The following PPP2R2C variants were observed in gnomAD, a reference collection of about 807,000 sequenced individuals.
PPP2R2C encodes the protein protein phosphatase 2 regulatory subunit Bgamma, also known as protein phosphatase 2, regulatory subunit B, gamma.
Under a neutral mutation model 45.3 loss-of-function variants are expected in PPP2R2C, and 10 were observed. The ratio of observed to expected loss-of-function variants is 0.22; its 90% CI spans 0.14 to 0.37. PPP2R2C has a LOEUF of 0.37. Ranked by LOEUF, PPP2R2C falls within the 10% of genes least tolerant of loss-of-function variation. The pLI is 1.00. For missense variants in PPP2R2C, 308 were observed against 619.7 expected (o/e 0.50, Z 5.34); for synonymous variants, 257 against 245.4 (o/e 1.05, Z -0.44).
At chr4:6,559,596 C>T (rs1026939356) in intron 1 of PPP2R2C, among the ~76,000 whole-genome samples, 2 of 152,116 alleles carry the variant, frequency 1.3e-5, no homozygotes, top group African/African-American at 4.8e-5. Flanking sequence ...CTTGTGTCCC[C>T]CTGAATTCCT....
chr4:6,435,902 T>C (rs1182290372), intron 1 of PPP2R2C, among the ~76,000 whole-genome samples: 1 of 152,202 alleles, frequency 6.6e-6, no homozygotes, highest in Non-Finnish European at 1.5e-5. Flanking sequence ...CCAGTTGTTA[T>C]GGTCTGAATG....
intron 1 of PPP2R2C, chr4:6,382,482 TC>T: frequency 3.7e-6 from 5 of 1,351,950 alleles, no homozygotes; most frequent in Non-Finnish European, 3.9e-6. Flanking sequence ...CATCCCTGTG[TC>T]CCTCTATTCA....
At chr4:6,527,096 T>C (rs952544954) in intron 2 of PPP2R2C, among the ~76,000 whole-genome samples, 5 of 151,944 alleles carry the variant, frequency 3.3e-5, no homozygotes, top group Admixed American at 6.6e-5. Flanking sequence ...GTAAATCGCT[T>C]GATCCCAGGC....
intron 1 of PPP2R2C, among the ~76,000 whole-genome samples, chr4:6,399,543 G>A (rs1432374714): frequency 1.3e-5 from 2 of 152,222 alleles, no homozygotes. Flanking sequence ...GCCAGGCACA[G>A]GGTAGAATTC....
At chr4:6,550,280 A>G (rs1725140252) in intron 1 of PPP2R2C, among the ~76,000 whole-genome samples, 1 of 151,818 alleles carries the variant, frequency 6.6e-6, no homozygotes, top group African/African-American at 2.4e-5. Flanking sequence ...CACAGACACA[A>G]TCAGCCCCCA....
At chr4:6,536,344 C>A (rs975586415) in intron 1 of PPP2R2C, among the ~76,000 whole-genome samples, 4 of 152,058 alleles carry the variant, frequency 2.6e-5, no homozygotes, top group African/African-American at 9.7e-5. Context: ...AGAACTCTTA[C>A]AAATCAACAA....
chr4:6,449,246 G>C (rs142224951), intron 1 of PPP2R2C, among the ~76,000 whole-genome samples: 18 of 152,276 alleles, frequency 1.2e-4, no homozygotes, highest in African/African-American at 4.3e-4. Context: ...AACAAAACTA[G>C]ACACAACCTG....
chr4:6,542,934 G>A (rs1409757385), intron 1 of PPP2R2C, among the ~76,000 whole-genome samples: 1 of 152,184 alleles, frequency 6.6e-6, no homozygotes, highest in Non-Finnish European at 1.5e-5. Context: ...GGACAAAATT[G>A]TCGTAATCAA....
intron 1 of PPP2R2C, among the ~76,000 whole-genome samples, chr4:6,433,463 G>T (rs759950584): frequency 1.3e-5 from 2 of 152,036 alleles, no homozygotes; most frequent in Non-Finnish European, 2.9e-5. Flanking sequence ...AAACGGTGCC[G>T]CCAAGTTTTC....
At chr4:6,416,950 C>G (rs1017873201) in intron 1 of PPP2R2C, among the ~76,000 whole-genome samples, 2 of 152,246 alleles carry the variant, frequency 1.3e-5, no homozygotes, top group African/African-American at 4.8e-5. Flanking sequence ...CGCCTCTCCT[C>G]TCTTCCTGGG....
intron 4 of PPP2R2C, among the ~76,000 whole-genome samples, chr4:6,373,224 A>G (rs1715003670): frequency 6.6e-6 from 1 of 152,220 alleles, no homozygotes; most frequent in South Asian, 2.1e-4. Context: ...TTAGGGACTG[A>G]GACTCATGGG....
chr4:6,414,149 C>A, intron 1 of PPP2R2C: 1 of 1,158,194 alleles, frequency 8.6e-7, no homozygotes, highest in Non-Finnish European at 1.1e-6. Flanking sequence ...TTGAAAGAAA[C>A]AAAATACGGC....
At chr4:6,504,774 G>A (rs1327873877) in intron 2 of PPP2R2C, among the ~76,000 whole-genome samples, 1 of 152,170 alleles carries the variant, frequency 6.6e-6, no homozygotes, top group Non-Finnish European at 1.5e-5. Context: ...GAGGAGGGAA[G>A]TTAAAATAAT....
At chr4:6,502,110 G>C (rs1297007978) in intron 2 of PPP2R2C, among the ~76,000 whole-genome samples, 2 of 152,198 alleles carry the variant, frequency 1.3e-5, no homozygotes, top group Middle Eastern at 3.2e-3. Context: ...GTTTCTAGGG[G>C]ATGAGGACGA....
At chr4:6,370,241 C>CCCTCATCTCCCCCAGCCTCCGTTT (rs1714692409) in intron 5 of PPP2R2C, among the ~76,000 whole-genome samples, 1 of 152,232 alleles carries the variant, frequency 6.6e-6, no homozygotes, top group African/African-American at 2.4e-5. Flanking sequence ...CTGGGCCAGT[C>CCCTCATCTCCCCCAGCCTCCGTTT]CCTCATCTCC....
At chr4:6,512,377 G>GTGA (rs1560595306) in intron 2 of PPP2R2C, among the ~76,000 whole-genome samples, 13 of 105,184 alleles carry the variant, frequency 1.2e-4, no homozygotes, top group African/African-American at 4.8e-4. Flanking sequence ...GGTGGTGGTG[G>GTGA]TGGTGGTGGT....
intron 1 of PPP2R2C, among the ~76,000 whole-genome samples, chr4:6,558,132 C>T (rs937788095): frequency 6.6e-6 from 1 of 152,194 alleles, no homozygotes; most frequent in African/African-American, 2.4e-5. Flanking sequence ...CACAGCATCA[C>T]CTGCAAAGTG....
intron 1 of PPP2R2C, among the ~76,000 whole-genome samples, chr4:6,467,106 C>T (rs1721638390): frequency 2.0e-5 from 3 of 152,166 alleles, no homozygotes; most frequent in Admixed American, 1.3e-4. Context: ...ATGGAGCCCA[C>T]ACTCGCTGTG....
At chr4:6,511,420 A>ATGG (rs1248131628) in intron 2 of PPP2R2C, among the ~76,000 whole-genome samples, 5 of 82,090 alleles carry the variant, frequency 6.1e-5, no homozygotes, top group African/African-American at 3.1e-4. Context: ...GGTGACAGTG[A>ATGG]TGGTGGTGAT....
Sources: allele counts gnomAD v4.1 joint callset (sites outside exome capture counted in the v4.1 genomes callset), GRCh38; gene constraint gnomAD v4.1.1; transcripts MANE v1.5; gene names NCBI Gene and HGNC (gene_info 2026-07-23, HGNC 2026-07-21).